Variants in HHIP observed in about 807,000 individuals in gnomAD.
HHIP encodes the protein hedgehog interacting protein, also known as hedgehog-interacting protein.
In HHIP, 12 loss-of-function variants were observed where a neutral mutation model predicts 74.0. The observed-to-expected ratio is 0.16, with a 90% CI of 0.10 to 0.26. The LOEUF (loss-of-function observed/expected upper bound fraction) is 0.26. Ranked by LOEUF, HHIP falls within the 10% of genes least tolerant of loss-of-function variation. The pLI is 1.00. For synonymous variants in HHIP, 309 were observed against 311.6 expected (o/e 0.99, Z 0.09); for missense variants, 788 against 845.0 (o/e 0.93, Z 0.84).
chr4:144,651,119 T>C (rs1256681370), intron 1 of HHIP, among the ~76,000 whole-genome samples: 1 of 152,120 alleles, frequency 6.6e-6, no homozygotes, highest in Non-Finnish European at 1.5e-5. Context: ...TCTGGTGAGG[T>C]CTGCCAGAGT....
chr4:144,658,754 A>C, intron 2 of HHIP, 36 bp from the exon 3 acceptor site: 5 of 1,564,954 alleles, frequency 3.2e-6, no homozygotes, highest in Non-Finnish European at 4.4e-6. Flanking sequence ...CTATGACATT[A>C]GGTGCTTCTA....
intron 4 of HHIP, among the ~76,000 whole-genome samples, chr4:144,694,837 G>A (rs1729769104): frequency 6.6e-6 from 1 of 151,730 alleles, no homozygotes; most frequent in African/African-American, 2.4e-5. Flanking sequence ...TTTAAAGATG[G>A]TGAATGAAAT....
intron 11 of HHIP, among the ~76,000 whole-genome samples, chr4:144,719,570 C>T (rs1043625828): frequency 1.3e-5 from 2 of 152,220 alleles, no homozygotes; most frequent in African/African-American, 2.4e-5. Flanking sequence ...ACTCACCCAT[C>T]ACAACATTTA....
At chr4:144,675,486 T>C (rs1729148425) in intron 4 of HHIP, among the ~76,000 whole-genome samples, 1 of 152,066 alleles carries the variant, frequency 6.6e-6, no homozygotes, top group Non-Finnish European at 1.5e-5. Context: ...TTTGGCTATA[T>C]TAAACTGAAA....
intron 4 of HHIP, among the ~76,000 whole-genome samples, chr4:144,666,533 G>A (rs1021435588): frequency 6.6e-6 from 1 of 152,166 alleles, no homozygotes; most frequent in African/African-American, 2.4e-5. Context: ...AGGCCCACAT[G>A]TTAAGGAAAC....
rs188584018 is a variant in HHIP, at chr4:144,739,555, A to G, written c.*1598A>G. On this transcript the variant is annotated 3_prime_UTR_variant, in exon 13 of 13. Transcript: ENST00000296575. ...AGAGATTTGCAATTAAAGCCCAGTA[A>G]GCATTTATATAGAAGCCACAATGTA... 1 of 152,348 alleles carries G rather than the reference A, an allele frequency of 6.6e-6. No homozygotes were observed. Among genetic ancestry groups the G allele is most frequent in the Admixed American group, 6.5e-5 (1 of 15,306 alleles). The allele number at this position is 152,348 out of a possible 1,614,324, so 9.4% of individuals were successfully genotyped here.
intron 4 of HHIP, among the ~76,000 whole-genome samples, chr4:144,687,196 T>C (rs1311363175): frequency 6.6e-6 from 1 of 152,190 alleles, no homozygotes; most frequent in Non-Finnish European, 1.5e-5. Flanking sequence ...ATAAATCCTA[T>C]AACAACCTAA....
chr4:144,696,356 G>A (rs1729817545), intron 4 of HHIP, among the ~76,000 whole-genome samples: 1 of 151,218 alleles, frequency 6.6e-6, no homozygotes, highest in Admixed American at 6.6e-5. Flanking sequence ...AAATAATTGA[G>A]GTACACACTT....
intron 7 of HHIP, 60 bp downstream of exon 7, chr4:144,708,371 GGAAAA>G: frequency 1.3e-6 from 2 of 1,559,386 alleles, no homozygotes; most frequent in Non-Finnish European, 8.8e-7. Flanking sequence ...CCGAGAACTG[GGAAAA>G]TATAGCATAG....
chr4:144,738,717 A>G lies in HHIP; in HGVS notation c.*760A>G. On this transcript the variant is annotated 3_prime_UTR_variant, in exon 13 of 13. Coordinates refer to ENST00000296575, the MANE Select transcript of HHIP (RefSeq NM_022475.3). ...ATATTTTATTTTATTTTTATAATAT[A>G]GACATCACCTAGATGAAACACCTTT... The G allele has an allele frequency of 2.5e-6, 2 of 815,040 alleles. No individual in the cohort carries two copies. The highest frequency in any genetic ancestry group is 3.0e-6 in the Non-Finnish European group (2 of 674,248). 50.5% of individuals were successfully genotyped at this position (815,040 alleles called of 1,614,324 possible).
At chr4:144,726,175 T>C (rs1199414891) in intron 11 of HHIP, among the ~76,000 whole-genome samples, 2 of 152,206 alleles carry the variant, frequency 1.3e-5, no homozygotes, top group Non-Finnish European at 2.9e-5. Context: ...GAACAGAATA[T>C]ATTTCCTTCT....
chr4:144,735,281 G>A (rs929010169), intron 12 of HHIP, among the ~76,000 whole-genome samples: 1 of 152,104 alleles, frequency 6.6e-6, no homozygotes, highest in African/African-American at 2.4e-5. Flanking sequence ...CCCTGTAAAT[G>A]CCCTCCCTGG....
rs1389668137 is a variant in HHIP, at chr4:144,715,403, A to G, written c.1651A>G (p.Ile551Val). The stretch of plus-strand genomic sequence containing the variant: ...CTGTAGAGGCTACTTTTCCGGTCAC[A>G]TCTTGGGATTTGGAGAAGATGAACT... ...GSCRGYFSGH[I>V]LGFGEDELGE... The change falls in exon 10 of 13, where the codon ATC (isoleucine) becomes GTC (valine). Residue 551 changes from isoleucine to valine, a missense_variant. Ile to Val is a conservative substitution (Grantham distance 29, BLOSUM62 3). Coordinates refer to ENST00000296575, the MANE Select transcript of HHIP (RefSeq NM_022475.3). The G allele has an allele frequency of 6.8e-6, 11 of 1,613,372 alleles. No individual in the cohort carries two copies. Among genetic ancestry groups the G allele is most frequent in the Non-Finnish European group, 9.3e-6 (11 of 1,179,536 alleles).
intron 4 of HHIP, among the ~76,000 whole-genome samples, chr4:144,677,170 C>A (rs1204792265): frequency 6.6e-6 from 1 of 152,184 alleles, no homozygotes; most frequent in Non-Finnish European, 1.5e-5. Flanking sequence ...TGCCGTTCTT[C>A]CCCTTGTACA....
At chr4:144,691,932 T>C (rs1223205681) in intron 4 of HHIP, among the ~76,000 whole-genome samples, 1 of 152,112 alleles carries the variant, frequency 6.6e-6, no homozygotes, top group African/African-American at 2.4e-5. Context: ...GGAAAAAGTC[T>C]AAGTGCTCAG....
intron 11 of HHIP, among the ~76,000 whole-genome samples, chr4:144,722,128 G>C (rs1050024468): frequency 3.3e-5 from 5 of 152,110 alleles, no homozygotes; most frequent in African/African-American, 9.7e-5. Flanking sequence ...TAGCCTGGGG[G>C]ATCCTTCAGC....
At chr4:144,658,676 C>A in intron 2 of HHIP, 114 bp from the exon 3 acceptor site, 1 of 806,760 alleles carries the variant, frequency 1.2e-6, no homozygotes, top group South Asian at 2.0e-5. Flanking sequence ...TAGGTTCTTC[C>A]TAAAATATCC....
chr4:144,648,853 C>T (rs934767898), intron 1 of HHIP: 1 of 152,116 alleles, frequency 6.6e-6, no homozygotes, highest in Non-Finnish European at 1.5e-5. Context: ...CTTTAGGAAG[C>T]AATCTGCCAT....
chr4:144,694,570 C>A (rs566306162), intron 4 of HHIP, among the ~76,000 whole-genome samples: 18 of 151,804 alleles, frequency 1.2e-4, no homozygotes, highest in South Asian at 1.0e-3. Flanking sequence ...TCGTAAAAAC[C>A]AAACTTCATA....
Sources: gnomAD v4.1 joint callset for allele counts (sites outside exome capture counted in the v4.1 genomes callset) on GRCh38, gnomAD v4.1.1 for gene constraint, MANE v1.5 for transcripts, NCBI Gene and HGNC (gene_info 2026-07-23, HGNC 2026-07-21) for gene names.